Variants in FBXW7 observed in about 807,000 individuals in gnomAD.
FBXW7 encodes F-box and WD repeat domain containing 7, also known as F-box/WD repeat-containing protein 7.
In FBXW7, 11 loss-of-function variants were observed where a neutral mutation model predicts 86.3. The observed-to-expected ratio is 0.13, with a 90% confidence interval of 0.08 to 0.21. The LOEUF (loss-of-function observed/expected upper bound fraction) is 0.21. Ranked by LOEUF, FBXW7 falls within the 10% of genes least tolerant of loss-of-function variation. FBXW7 has a pLI of 1.00. For synonymous variants in FBXW7, 313 were observed against 297.9 expected, an observed-to-expected ratio of 1.05 and a Z score of -0.52; for missense variants, 488 against 847.4, an observed-to-expected ratio of 0.58 and a Z score of 5.27.
At chr4:152,518,749 A>C (rs1363008122) in intron 2 of FBXW7, among the ~76,000 whole-genome samples, 1 of 152,256 alleles carries the variant, frequency 6.6e-6, no homozygotes, top group Non-Finnish European at 1.5e-5. Flanking sequence ...ATCTTTCACA[A>C]AACATTTTTA....
chr4:152,463,615 T>C (rs1488757098), intron 2 of FBXW7, among the ~76,000 whole-genome samples: 1 of 152,132 alleles, frequency 6.6e-6, no homozygotes, highest in East Asian at 1.9e-4. Flanking sequence ...TCAAAAAGCA[T>C]TTACTTAGTT....
chr4:152,374,332 A>C (rs990714780), intron 4 of FBXW7, among the ~76,000 whole-genome samples: 3 of 152,012 alleles, frequency 2.0e-5, no homozygotes. Flanking sequence ...GTACCACCTA[A>C]ATGACTATAC....
At chr4:152,391,655 AAG>A (rs1398682496) in intron 4 of FBXW7, among the ~76,000 whole-genome samples, 1 of 152,162 alleles carries the variant, frequency 6.6e-6, no homozygotes, top group Non-Finnish European at 1.5e-5. Flanking sequence ...AAACACTGAC[AAG>A]AGTTTCTACT....
At chr4:152,428,981 G>A (rs967286847) in intron 2 of FBXW7, among the ~76,000 whole-genome samples, 1 of 152,140 alleles carries the variant, frequency 6.6e-6, no homozygotes, top group Non-Finnish European at 1.5e-5. Context: ...CCTGAGGTAG[G>A]GAGTTTGAGA....
intron 4 of FBXW7, among the ~76,000 whole-genome samples, chr4:152,395,998 A>G (rs887986455): frequency 1.3e-5 from 2 of 151,924 alleles, no homozygotes; most frequent in African/African-American, 4.8e-5. Context: ...CAATATCAAG[A>G]CCCTCTTTTT....
intron 4 of FBXW7, among the ~76,000 whole-genome samples, chr4:152,399,977 A>G (rs1736770961): frequency 6.6e-6 from 1 of 152,204 alleles, no homozygotes; most frequent in Non-Finnish European, 1.5e-5. Context: ...GAGAGGCAAA[A>G]GACCCAGAAT....
intron 2 of FBXW7, among the ~76,000 whole-genome samples, chr4:152,429,937 T>C (rs1477849711): frequency 6.6e-6 from 1 of 152,202 alleles, no homozygotes; most frequent in Non-Finnish European, 1.5e-5. Context: ...AAATTGGTGT[T>C]GTAGAAAAAA....
intron 4 of FBXW7, chr4:152,352,665 C>G (rs780982777): frequency 1.2e-6 from 2 of 1,613,784 alleles, no homozygotes; most frequent in East Asian, 4.5e-5. Flanking sequence ...GGAGCAGAAC[C>G]GGCAACAAAA....
At chr4:152,486,165 G>C (rs1745321365) in intron 2 of FBXW7, among the ~76,000 whole-genome samples, 1 of 152,096 alleles carries the variant, frequency 6.6e-6, no homozygotes, top group South Asian at 2.1e-4. Flanking sequence ...ACTATGAATG[G>C]AGCTTACAGG....
rs113361398 is a variant in FBXW7, at chr4:152,435,339, A to G, written c.-119-22810T>C. Among the ~76,000 whole-genome samples the G allele has an allele frequency of 2.9e-3, 437 of 152,284 alleles. 2 individuals carry two copies. The highest frequency in any genetic ancestry group is 6.8e-3 in the Middle Eastern group (2 of 294). ...AAAGATTATAAGCCATTCATTTTGT[A>G]TAACGGCCCTTAATTTTGGTTTGTC... On this transcript the variant is annotated intron_variant, in intron 2 of 13. Transcript: ENST00000281708.
At chr4:152,518,225 G>C (rs1748686921) in intron 2 of FBXW7, among the ~76,000 whole-genome samples, 1 of 152,034 alleles carries the variant, frequency 6.6e-6, no homozygotes, top group South Asian at 2.1e-4. Context: ...CTGGCCTCAA[G>C]TGATCCACCC....
intron 2 of FBXW7, among the ~76,000 whole-genome samples, chr4:152,520,782 G>C (rs1242773986): frequency 6.6e-6 from 1 of 152,200 alleles, no homozygotes; most frequent in Non-Finnish European, 1.5e-5. Context: ...TCACTACTGA[G>C]TCAAAAATAG....
At chr4:152,501,381 G>A (rs1027917160) in intron 2 of FBXW7, among the ~76,000 whole-genome samples, 2 of 152,060 alleles carry the variant, frequency 1.3e-5, no homozygotes, top group African/African-American at 4.8e-5. Context: ...ATGAGATCAA[G>A]ACAGAATGAA....
chr4:152,349,731 A>T (rs553984808), intron 5 of FBXW7, among the ~76,000 whole-genome samples: 46 of 151,978 alleles, frequency 3.0e-4, no homozygotes, highest in African/African-American at 1.0e-3. Flanking sequence ...TAGTAACAAG[A>T]CACAGGGGCT....
intron 2 of FBXW7, among the ~76,000 whole-genome samples, chr4:152,490,777 A>C (rs745392887): frequency 6.6e-6 from 1 of 152,170 alleles, no homozygotes; most frequent in Non-Finnish European, 1.5e-5. Context: ...TAATGGTATA[A>C]TTATAAGCAA....
At chr4:152,328,873 C>G (rs2126520370) in intron 10 of FBXW7, 1 of 152,138 alleles carries the variant, frequency 6.6e-6, no homozygotes, top group South Asian at 2.1e-4. Context: ...GACATTAAAG[C>G]CCTGTAATAA....
intron 4 of FBXW7, among the ~76,000 whole-genome samples, chr4:152,389,646 C>G (rs1735833820): frequency 6.6e-6 from 1 of 151,928 alleles, no homozygotes; most frequent in Non-Finnish European, 1.5e-5. Context: ...TGAGAAATCA[C>G]TTAACGGGTA....
At position 152,320,907 on chromosome 4, in the gene FBXW7, T is replaced by C. The variant is rs1728517109; in HGVS notation, c.*1974A>G. ...AAGTATCGAGGGTAAGCACTTAATA[T>C]GTGGTCAAAATTTCAAAATGAATTT... On this transcript the variant is annotated 3_prime_UTR_variant, in exon 14 of 14. Coordinates refer to ENST00000281708, the MANE Select transcript of FBXW7 (RefSeq NM_001349798.2). The C allele has an allele frequency of 6.6e-6, 1 of 152,338 alleles. No homozygotes were observed. The highest frequency in any genetic ancestry group is 2.4e-5 in the African/African-American group (1 of 41,438). 9.4% of individuals were successfully genotyped at this position (152,338 alleles called of 1,614,324 possible).
chr4:152,402,206 T>G (rs1737000715), intron 4 of FBXW7, among the ~76,000 whole-genome samples: 1 of 152,192 alleles, frequency 6.6e-6, no homozygotes, highest in Non-Finnish European at 1.5e-5. Context: ...TGACTCCAGC[T>G]ACACAAAATA....
Sources: allele counts gnomAD v4.1 joint callset (sites outside exome capture counted in the v4.1 genomes callset), GRCh38; gene constraint gnomAD v4.1.1; transcripts MANE v1.5; gene names NCBI Gene and HGNC (gene_info 2026-07-23, HGNC 2026-07-21).